GSTO1: variants seen among roughly 807,000 people sequenced by gnomAD.
GSTO1 encodes glutathione S-transferase omega-1.
In GSTO1, 27 loss-of-function variants were observed where a neutral mutation model predicts 23.8. The observed-to-expected ratio is 1.13, with a 90% CI of 0.83 to 1.56. The LOEUF (loss-of-function observed/expected upper bound fraction) is 1.56, where lower values mean the gene tolerates loss of function less well. Among genes scored for constraint, GSTO1 ranks in the 40% most tolerant of loss-of-function variants. GSTO1 has a pLI of 0.00. For missense variants in GSTO1, 255 were observed against 285.8 expected, an observed-to-expected ratio of 0.89 and a Z score of 0.78; for synonymous variants, 105 against 109.3, an observed-to-expected ratio of 0.96 and a Z score of 0.25.
At chr10:104,256,898 T>C (rs777975046) in intron 2 of GSTO1, among the ~76,000 whole-genome samples, 6 of 152,152 alleles carry the variant, frequency 3.9e-5, no homozygotes, top group Non-Finnish European at 8.8e-5. Flanking sequence ...TTTTTTTTTT[T>C]TTGCAATGGC....
intron 3 of GSTO1, 137 bp from the exon 4 acceptor site, chr10:104,262,842 C>T (rs1037069173): frequency 2.0e-5 from 10 of 504,484 alleles, no homozygotes; most frequent in Admixed American, 7.2e-5. Flanking sequence ...CCTCTGTGAG[C>T]GCAGGAACTT....
At chr10:104,262,568 C>T (rs1286796873) in intron 3 of GSTO1, among the ~76,000 whole-genome samples, 1 of 152,152 alleles carries the variant, frequency 6.6e-6, no homozygotes, top group Non-Finnish European at 1.5e-5. Context: ...AAAAATTAGC[C>T]TGGCGTGGTG....
chr10:104,259,460 G>C (rs544156971), intron 2 of GSTO1, 116 bp from the exon 3 acceptor site: 30 of 635,786 alleles, frequency 4.7e-5, no homozygotes, highest in Non-Finnish European at 6.2e-5. Flanking sequence ...AAGGAATCTA[G>C]GCAGACTCCT....
chr10:104,265,959 C>T (rs2011176927), intron 4 of GSTO1, 125 bp from the exon 5 acceptor site: 1 of 522,980 alleles, frequency 1.9e-6, no homozygotes. Context: ...AGAAAAAAAC[C>T]CAACTTGGAT....
At chr10:104,254,425 G>A (rs944546481), upstream of GSTO1, 10 of 160,596 alleles carry the variant, frequency 6.2e-5, no homozygotes, top group African/African-American at 2.4e-4. Context: ...TTGGCATAGT[G>A]AGTTTGGAGT....
chr10:104,263,951 C>T (rs543974616), intron 4 of GSTO1, among the ~76,000 whole-genome samples: 1 of 147,736 alleles, frequency 6.8e-6, no homozygotes, highest in Middle Eastern at 3.4e-3. Flanking sequence ...TCCTAGCATT[C>T]CTAAGATAAA....
intron 4 of GSTO1, among the ~76,000 whole-genome samples, chr10:104,264,256 G>T (rs1358320609): frequency 1.3e-5 from 2 of 151,972 alleles, no homozygotes; most frequent in African/African-American, 4.8e-5. Context: ...AATGGTAATT[G>T]GTTTTTTGGT....
At chr10:104,264,725 C>A (rs2011165426) in intron 4 of GSTO1, among the ~76,000 whole-genome samples, 1 of 152,138 alleles carries the variant, frequency 6.6e-6, no homozygotes, top group Non-Finnish European at 1.5e-5. Flanking sequence ...TTTAATAAAC[C>A]CAACCTACAG....
chr10:104,260,126 CAT>C (rs1181252190), intron 3 of GSTO1, among the ~76,000 whole-genome samples: 36 of 152,326 alleles, frequency 2.4e-4, no homozygotes, highest in African/African-American at 7.7e-4. Flanking sequence ...TCATTTTTCA[CAT>C]GTCTGCTCCG....
At chr10:104,257,145 A>G (rs1372079137) in intron 2 of GSTO1, among the ~76,000 whole-genome samples, 5 of 132,444 alleles carry the variant, frequency 3.8e-5, no homozygotes, top group Admixed American at 3.5e-4. Context: ...CTTGACAATC[A>G]TATGGACCTA....
chr10:104,259,123 G>A (rs12257050), intron 2 of GSTO1, among the ~76,000 whole-genome samples: 11,251 of 152,210 alleles, frequency 0.074, 1,401 homozygotes, highest in African/African-American at 0.26. Flanking sequence ...GAACTACCAT[G>A]TGATTCAGCA....
At chr10:104,262,683 G>C (rs1428260975) in intron 3 of GSTO1, among the ~76,000 whole-genome samples, 1 of 152,218 alleles carries the variant, frequency 6.6e-6, no homozygotes, top group Non-Finnish European at 1.5e-5. Flanking sequence ...CTGCATTCCA[G>C]CCTGGGTGAT....
chr10:104,254,839 C>A (rs1337262089), upstream of GSTO1: 6 of 1,281,078 alleles, frequency 4.7e-6, no homozygotes, highest in African/African-American at 1.5e-5. Flanking sequence ...AAGGAGGAAG[C>A]GGGGGAGGGA....
intron 3 of GSTO1, among the ~76,000 whole-genome samples, 178 bp from the exon 4 acceptor site, chr10:104,262,801 C>G (rs1447211829): frequency 6.6e-6 from 1 of 152,160 alleles, no homozygotes; most frequent in Admixed American, 6.5e-5. Flanking sequence ...GCATTTTAGG[C>G]CACAAAACTG....
rs1414799829 is a variant in GSTO1 at position 104,263,815 on chromosome 10, T to C, written c.465+738T>C. Among the ~76,000 whole-genome samples the C allele has an allele frequency of 4.6e-5, 7 of 152,188 alleles. No individual in the cohort carries two copies. The East Asian group carries it at 1.2e-3, about 25-fold the overall frequency. On this transcript the variant is annotated intron_variant, in intron 4 of 5. Coordinates refer to ENST00000369713, the MANE Select transcript of GSTO1 (RefSeq NM_004832.3). ...TGCTAATTTTTAAAAAAGTCATAAA[T>C]GTTGAATTTTATTGAATGGTTTTTC...
At chr10:104,261,358 G>C (rs2011138610) in intron 3 of GSTO1, among the ~76,000 whole-genome samples, 1 of 152,104 alleles carries the variant, frequency 6.6e-6, no homozygotes, top group South Asian at 2.1e-4. Flanking sequence ...AGGAGAGGTG[G>C]CTTTATGTAC....
intron 4 of GSTO1, among the ~76,000 whole-genome samples, chr10:104,265,435 C>T (rs2011171231): frequency 6.6e-6 from 1 of 152,064 alleles, no homozygotes; most frequent in Non-Finnish European, 1.5e-5. Flanking sequence ...CACATTTGGG[C>T]TATTACAAAT....
chr10:104,255,328 C>CGGGGT, intron 2 of GSTO1, 57 bp downstream of exon 2: 1 of 1,186,898 alleles, frequency 8.4e-7, no homozygotes. Flanking sequence ...CTGCAGGCGG[C>CGGGGT]GGGGTGGGGT....
intron 2 of GSTO1, among the ~76,000 whole-genome samples, chr10:104,257,357 T>TC (rs1043836490): frequency 2.0e-5 from 3 of 151,394 alleles, no homozygotes; most frequent in African/African-American, 7.3e-5. Context: ...TTTTTTTTTT[T>TC]CGAGACAGGG....
Sources: allele counts gnomAD v4.1 joint callset (sites outside exome capture counted in the v4.1 genomes callset), GRCh38; gene constraint gnomAD v4.1.1; transcripts MANE v1.5; gene names NCBI Gene and HGNC (gene_info 2026-07-23, HGNC 2026-07-21).